VEPH1: variants seen among roughly 807,000 people sequenced by gnomAD.
VEPH1 encodes ventricular zone-expressed PH domain-containing protein homolog 1.
Under a neutral mutation model 85.2 loss-of-function variants are expected in VEPH1, and 80 were observed. The ratio of observed to expected loss-of-function variants is 0.94; its 90% CI spans 0.78 to 1.13. The LOEUF (loss-of-function observed/expected upper bound fraction) is 1.13. Ranked by LOEUF, VEPH1 falls within the 50% of genes most tolerant of loss-of-function variation. VEPH1 has a pLI of 0.00. For missense variants in VEPH1, 955 were observed against 980.5 expected (o/e 0.97, Z 0.35); for synonymous variants, 297 against 348.0 (o/e 0.85, Z 1.63).
At chr3:157,419,692 G>A (rs1732186116) in intron 5 of VEPH1, among the ~76,000 whole-genome samples, 1 of 152,094 alleles carries the variant, frequency 6.6e-6, no homozygotes, top group Non-Finnish European at 1.5e-5. Flanking sequence ...GCGAGGTTGT[G>A]GAGAAAAAGG....
At chr3:157,431,261 C>T (rs1434662190) in intron 4 of VEPH1, among the ~76,000 whole-genome samples, 2 of 152,266 alleles carry the variant, frequency 1.3e-5, no homozygotes, top group East Asian at 1.9e-4. Context: ...TCCTCAGCCA[C>T]GTGGAACTGA....
chr3:157,275,596 T>A (rs1039548790), intron 12 of VEPH1, among the ~76,000 whole-genome samples: 37 of 151,076 alleles, frequency 2.4e-4, no homozygotes, highest in East Asian at 9.8e-4. Flanking sequence ...ACAAAAAATA[T>A]ATATATATAA....
chr3:157,486,457 C>T (rs1401461988), intron 2 of VEPH1, among the ~76,000 whole-genome samples: 1 of 147,744 alleles, frequency 6.8e-6, no homozygotes, highest in Non-Finnish European at 1.5e-5. Context: ...GATTGTACCA[C>T]TGCACTCGAC....
intron 3 of VEPH1, among the ~76,000 whole-genome samples, chr3:157,464,745 T>C (rs991463998): frequency 2.6e-5 from 4 of 152,204 alleles, no homozygotes; most frequent in African/African-American, 7.2e-5. Flanking sequence ...TTGAAAAGAA[T>C]GAAGCTAAGT....
Position 157,414,059 on chromosome 3 carries a change from C to A in VEPH1, c.728G>T (p.Gly243Val). Residue 243 changes from glycine (G) to valine (V), a missense_variant, in exon 6 of 14, where the codon GGG (glycine) becomes GTG (valine). Transcript: ENST00000362010. Reference protein sequence around the residue: ...VVQKCIPFLIGHLKDSTHNDI... With the variant: ...VVQKCIPFLIVHLKDSTHNDI... ...ATTATGGGTTGAATCCTTCAAATGC[C>A]CAATTAGGAAAGGAATACACTTCTG... is the stretch of plus-strand genomic sequence containing the variant. 1 of 1,612,312 alleles carries A rather than the reference C, an allele frequency of 6.2e-7. No homozygotes were observed. Among genetic ancestry groups the A allele is most frequent in the Non-Finnish European group, 8.5e-7 (1 of 1,179,248 alleles).
chr3:157,426,218 TC>T (rs1312454064), intron 5 of VEPH1, among the ~76,000 whole-genome samples: 1 of 152,214 alleles, frequency 6.6e-6, no homozygotes, highest in African/African-American at 2.4e-5. Flanking sequence ...AATTCCCTCT[TC>T]CTGGCAGCCT....
chr3:157,486,226 G>A (rs1024249867), intron 2 of VEPH1, among the ~76,000 whole-genome samples: 1 of 151,712 alleles, frequency 6.6e-6, no homozygotes, highest in Admixed American at 6.6e-5. Context: ...GGCCAGACAC[G>A]GTGGCTTATG....
chr3:157,358,009 C>T (rs1725638964), intron 9 of VEPH1, among the ~76,000 whole-genome samples: 1 of 152,196 alleles, frequency 6.6e-6, no homozygotes, highest in Non-Finnish European at 1.5e-5. Context: ...TGCACCTACT[C>T]TTGGCTGAGG....
chr3:157,386,441 A>C (rs1310378526), intron 6 of VEPH1, among the ~76,000 whole-genome samples: 2 of 152,144 alleles, frequency 1.3e-5, no homozygotes, highest in African/African-American at 4.8e-5. Context: ...GATTTAATAA[A>C]ATTAATAATT....
In VEPH1 at chr3:157,431,042, C is replaced by T. The variant is rs569516334; in HGVS notation, c.530-2554G>A. ...AAATCTCATCTTGAATTGTAATCCT[C>T]ACGTGTCAAGGGAGGGACCTGGTGG... On this transcript the variant is annotated intron_variant, in intron 4 of 13. Coordinates refer to ENST00000362010, the MANE Select transcript of VEPH1 (RefSeq NM_001167912.2). 1.4e-4 allele frequency among the ~76,000 whole-genome samples: 22 copies of T among 152,268 alleles called. No homozygotes were observed. In the East Asian group the frequency reaches 2.9e-3, roughly 20 times the overall value.
Position 157,495,206 on chromosome 3 carries a change from A to C in VEPH1, c.138+6T>G. Reference sequence around the variant, plus strand: ...AGAGATGTAGTCTATAAACCAGTTTACTTACTGAAGATGAGCTAATTATCT... The same window carrying C: ...AGAGATGTAGTCTATAAACCAGTTTCCTTACTGAAGATGAGCTAATTATCT... On this transcript the variant is annotated splice_donor_region_variant and intron_variant, in intron 2 of 13. Coordinates refer to ENST00000362010, the MANE Select transcript of VEPH1 (RefSeq NM_001167912.2). 6.2e-7 allele frequency: 1 copy of C among 1,613,576 alleles called. No homozygotes were observed. The highest frequency in any genetic ancestry group is 8.5e-7 in the Non-Finnish European group (1 of 1,179,690).
At chr3:157,310,026 T>C (rs1719931666) in intron 11 of VEPH1, among the ~76,000 whole-genome samples, 1 of 152,176 alleles carries the variant, frequency 6.6e-6, no homozygotes, top group Admixed American at 6.5e-5. Context: ...GTGATCCGCC[T>C]GCCTCAGCCT....
chr3:157,410,875 T>C (rs964707091), intron 6 of VEPH1, among the ~76,000 whole-genome samples: 1 of 152,206 alleles, frequency 6.6e-6, no homozygotes, highest in Non-Finnish European at 1.5e-5. Context: ...GTGAAATGAA[T>C]TGACCACCTG....
chr3:157,489,319 A>C (rs930598382), intron 2 of VEPH1: 5 of 390,442 alleles, frequency 1.3e-5, no homozygotes, highest in African/African-American at 6.2e-5. Context: ...CGACCTCAGA[A>C]ACTCCAGCCT....
rs535983803 is a variant in VEPH1 at position 157,416,439 on chromosome 3, C to A, written c.697-2349G>T. On this transcript the variant is annotated intron_variant, in intron 5 of 13. Transcript: ENST00000362010. ...CAAATGCTGCCTGTGCATTAGGGAG[C>A]AATTGTATGTCCTTCAGGAGAAGCC... Among the ~76,000 whole-genome samples the A allele has an allele frequency of 2.2e-4, 33 of 152,244 alleles. No homozygotes were observed. In the South Asian group the frequency reaches 6.6e-3, roughly 31 times the overall value.
At chr3:157,502,886 C>T (rs1379372251) in intron 1 of VEPH1, among the ~76,000 whole-genome samples, 5 of 152,106 alleles carry the variant, frequency 3.3e-5, no homozygotes, top group Admixed American at 2.0e-4. Flanking sequence ...TTTGAAAATC[C>T]GTAGGCAGAG....
chr3:157,494,818 C>T (rs1194276432), intron 2 of VEPH1, among the ~76,000 whole-genome samples: 7 of 152,156 alleles, frequency 4.6e-5, no homozygotes, highest in Admixed American at 3.9e-4. Context: ...TATTCAGCCT[C>T]CCACACACAC....
intron 2 of VEPH1, among the ~76,000 whole-genome samples, chr3:157,478,853 T>A (rs1395441677): frequency 6.6e-6 from 1 of 152,180 alleles, no homozygotes; most frequent in Non-Finnish European, 1.5e-5. Context: ...CTTAAAGCTA[T>A]GAATTTCTTA....
chr3:157,314,613 A>G (rs1483687258), intron 10 of VEPH1, among the ~76,000 whole-genome samples: 1 of 152,096 alleles, frequency 6.6e-6, no homozygotes, highest in Non-Finnish European at 1.5e-5. Flanking sequence ...AATAGAGTAC[A>G]AAAATCAAGT....
Sources: allele counts gnomAD v4.1 joint callset (sites outside exome capture counted in the v4.1 genomes callset), GRCh38; gene constraint gnomAD v4.1.1; transcripts MANE v1.5; gene names NCBI Gene and HGNC (gene_info 2026-07-23, HGNC 2026-07-21).